Variants in ZBTB16 observed in about 807,000 individuals in gnomAD.
ZBTB16 encodes the protein zinc finger and BTB domain-containing protein 16.
Under a neutral mutation model 56.8 loss-of-function variants are expected in ZBTB16, and 8 were observed. The ratio of observed to expected loss-of-function variants is 0.14; its 90% CI spans 0.08 to 0.25. The LOEUF is 0.25. ZBTB16 is among the 10% of genes least tolerant of loss of function. The probability of loss-of-function intolerance (pLI) is 1.00; values close to 1 mark genes in which losing one functional copy is unlikely to be tolerated. For synonymous variants in ZBTB16, 363 were observed against 368.5 expected (o/e 0.98, Z 0.17); for missense variants, 625 against 903.0 (o/e 0.69, Z 3.95).
chr11:114,115,341 CTTTTT>C (rs35873921), intron 2 of ZBTB16, among the ~76,000 whole-genome samples: 1 of 127,542 alleles, frequency 7.8e-6, no homozygotes, highest in Non-Finnish European at 1.6e-5. Context: ...CTCCTTCCTC[CTTTTT>C]TTTTTTTTTT....
At chr11:114,121,090 T>C (rs537280) in intron 2 of ZBTB16, among the ~76,000 whole-genome samples, 95,949 of 152,086 alleles carry the variant, frequency 0.63, 30,541 homozygotes, top group South Asian at 0.71. Context: ...TAGAATTGTA[T>C]AGAACCTTAG....
intron 4 of ZBTB16, among the ~76,000 whole-genome samples, chr11:114,196,973 T>C (rs1036410779): frequency 6.6e-6 from 1 of 152,148 alleles, no homozygotes; most frequent in African/African-American, 2.4e-5. Flanking sequence ...GCCCACATTT[T>C]AGCATTGTCT....
chr11:114,062,468 A>T (rs912054794), intron 1 of ZBTB16, among the ~76,000 whole-genome samples: 3 of 152,218 alleles, frequency 2.0e-5, no homozygotes, highest in Non-Finnish European at 4.4e-5. Context: ...TATATTATAC[A>T]TACAATAACT....
chr11:114,141,225 C>T (rs538455841), intron 2 of ZBTB16, among the ~76,000 whole-genome samples: 3 of 152,352 alleles, frequency 2.0e-5, no homozygotes, highest in African/African-American at 7.2e-5. Flanking sequence ...CAAGGCTTTT[C>T]CATTCTTAAC....
intron 3 of ZBTB16, among the ~76,000 whole-genome samples, chr11:114,165,102 C>A (rs1043463754): frequency 6.6e-6 from 1 of 152,128 alleles, no homozygotes; most frequent in Non-Finnish European, 1.5e-5. Flanking sequence ...TCCTAACCCA[C>A]CACCTCAAAG....
At chr11:114,155,178 A>G (rs575244959) in intron 2 of ZBTB16, among the ~76,000 whole-genome samples, 20 of 152,202 alleles carry the variant, frequency 1.3e-4, no homozygotes, top group African/African-American at 4.8e-4. Flanking sequence ...TGCCTGCCCC[A>G]CCGCCCACAG....
At chr11:114,171,788 A>G (rs1207404985) in intron 3 of ZBTB16, among the ~76,000 whole-genome samples, 5 of 152,200 alleles carry the variant, frequency 3.3e-5, no homozygotes, top group Admixed American at 2.6e-4. Context: ...GGCACGGACT[A>G]TCTGCTTCCT....
chr11:114,157,789 G>A (rs914169228), intron 3 of ZBTB16, among the ~76,000 whole-genome samples: 4 of 152,114 alleles, frequency 2.6e-5, no homozygotes, highest in Admixed American at 6.5e-5. Flanking sequence ...CCAGGCGCAC[G>A]GATTTGTCCA....
At chr11:114,197,047 T>C (rs1438025602) in intron 4 of ZBTB16, among the ~76,000 whole-genome samples, 1 of 152,026 alleles carries the variant, frequency 6.6e-6, no homozygotes, top group African/African-American at 2.4e-5. Context: ...AAGCCCCTAT[T>C]TGAAAAAGGG....
chr11:114,191,805 G>A (rs1402817472), intron 4 of ZBTB16, among the ~76,000 whole-genome samples: 1 of 152,140 alleles, frequency 6.6e-6, no homozygotes, highest in African/African-American at 2.4e-5. Context: ...CGCATACGTA[G>A]CTTTACTGAG....
At chr11:114,149,220 T>A (rs963129867) in intron 2 of ZBTB16, among the ~76,000 whole-genome samples, 2 of 152,214 alleles carry the variant, frequency 1.3e-5, no homozygotes, top group African/African-American at 4.8e-5. Context: ...CTAAGTAGTT[T>A]GGCCAAGGTT....
chr11:114,103,428 T>C (rs1940683118), intron 2 of ZBTB16, among the ~76,000 whole-genome samples: 1 of 152,198 alleles, frequency 6.6e-6, no homozygotes, highest in African/African-American at 2.4e-5. Context: ...GTGAGTACCG[T>C]CCGCTTGGAC....
rs557701312 is a variant in ZBTB16, at chr11:114,203,541, A to T, written c.1453+16503A>T. ...GTACTCCAGGCTGGGTAACAGAGCA[A>T]GACCCTGCCTGTTAAAAACAACCCC... On this transcript the variant is annotated intron_variant, in intron 4 of 6. Coordinates refer to ENST00000335953, the MANE Select transcript of ZBTB16 (RefSeq NM_006006.6). Among the ~76,000 whole-genome samples, 5 of 152,226 alleles carry T rather than the reference A, an allele frequency of 3.3e-5. No individual in the cohort carries two copies. The East Asian group carries it at 9.7e-4, about 29-fold the overall frequency.
chr11:114,095,495 C>T (rs1048070521), intron 2 of ZBTB16, among the ~76,000 whole-genome samples: 1 of 151,998 alleles, frequency 6.6e-6, no homozygotes, highest in Non-Finnish European at 1.5e-5. Context: ...CTCCTGACCT[C>T]GTGGTCCGCC....
At chr11:114,182,203 C>T (rs1327595348) in intron 3 of ZBTB16, among the ~76,000 whole-genome samples, 1 of 152,150 alleles carries the variant, frequency 6.6e-6, no homozygotes, top group Non-Finnish European at 1.5e-5. Flanking sequence ...AAATCAGCCA[C>T]CATGCCTGGC....
At chr11:114,087,323 C>G (rs537161856) in intron 2 of ZBTB16, among the ~76,000 whole-genome samples, 2 of 152,318 alleles carry the variant, frequency 1.3e-5, no homozygotes, top group African/African-American at 2.4e-5. Flanking sequence ...ATCTCTACCT[C>G]TAGTTGTTTT....
chr11:114,062,830 T>TTAAG, intron 1 of ZBTB16, among the ~76,000 whole-genome samples: 1 of 152,202 alleles, frequency 6.6e-6, no homozygotes, highest in Non-Finnish European at 1.5e-5. Flanking sequence ...CTTGCTAATT[T>TTAAG]TAAGTAAGTG....
chr11:114,129,062 T>C (rs1377992862), intron 2 of ZBTB16, among the ~76,000 whole-genome samples: 1 of 152,216 alleles, frequency 6.6e-6, no homozygotes, highest in African/African-American at 2.4e-5. Flanking sequence ...CATCTGGGTC[T>C]GCGTGGGTGG....
intron 4 of ZBTB16, among the ~76,000 whole-genome samples, chr11:114,227,258 C>T (rs1181879582): frequency 1.3e-5 from 2 of 152,172 alleles, no homozygotes; most frequent in East Asian, 3.9e-4. Context: ...CAGGTATCCC[C>T]CACCTGTGTG....
Sources: gnomAD v4.1 joint callset for allele counts (sites outside exome capture counted in the v4.1 genomes callset) on GRCh38, gnomAD v4.1.1 for gene constraint, MANE v1.5 for transcripts, NCBI Gene and HGNC (gene_info 2026-07-23, HGNC 2026-07-21) for gene names.